The following ANK1 variants were observed in gnomAD, a reference collection of about 807,000 sequenced individuals.
The protein encoded by ANK1 is ankyrin-1.
Under a neutral mutation model 210.4 loss-of-function variants are expected in ANK1, and 51 were observed. The observed-to-expected ratio is 0.24, with a 90% CI of 0.19 to 0.31. The LOEUF (loss-of-function observed/expected upper bound fraction) is 0.31, where lower values mean the gene tolerates loss of function less well. Ranked by LOEUF, ANK1 falls within the 10% of genes least tolerant of loss-of-function variation. The pLI is 1.00. For missense variants in ANK1, 2,051 were observed against 2,504.4 expected (o/e 0.82, Z 3.86); for synonymous variants, 967 against 1,025.9 (o/e 0.94, Z 1.10).
Position 41,699,505 on chromosome 8 carries a change from C to T in ANK1, c.2505G>A (p.Arg835=), listed in dbSNP as rs761168514. 18 of 1,614,056 alleles carry T rather than the reference C, an allele frequency of 1.1e-5. No homozygotes were observed. In the African/African-American group the frequency reaches 1.9e-4, roughly 17 times the overall value. The change falls in exon 23 of 43, where the codon AGG becomes AGA. Residue 835 remains arginine (R), a synonymous_variant. Coordinates refer to ENST00000289734, the MANE Select transcript of ANK1 (RefSeq NM_000037.4). ...GCAGCTCCTTCTCTTCATCAACATC[C>T]CTGGAATCCCGCCTCTCAGCCTTGA... is the stretch of plus-strand genomic sequence containing the variant. ...ISFKAERRDS[R]DVDEEKELLD...
intron 1 of ANK1, among the ~76,000 whole-genome samples, chr8:41,774,593 C>T (rs990604864): frequency 6.6e-6 from 1 of 152,246 alleles, no homozygotes; most frequent in Non-Finnish European, 1.5e-5. Flanking sequence ...TCCTAAATTG[C>T]CAGTCCAAGC....
chr8:41,693,971 A>T lies in ANK1; in HGVS notation c.3459T>A (p.Pro1153=). The change falls in exon 29 of 43, where the codon CCT becomes CCA. Residue 1153 remains proline, a synonymous_variant. Transcript: ENST00000289734. The part of the protein sequence containing the change: ...RPIGLRIPLP[P]SWTDNPRDSG... ...TGTCCCTCGGGTTGTCGGTCCAGGAAGGAGGTAGTGGGATCCGAAGCCCAA... is the reference window on the plus strand; with the variant it reads ...TGTCCCTCGGGTTGTCGGTCCAGGATGGAGGTAGTGGGATCCGAAGCCCAA... 2 of 1,614,102 alleles carry T rather than the reference A, an allele frequency of 1.2e-6. No homozygotes were observed. Among genetic ancestry groups the T allele is most frequent in the Non-Finnish European group, 1.7e-6 (2 of 1,180,018 alleles).
intron 22 of ANK1, chr8:41,700,587 A>T: frequency 1.1e-6 from 1 of 935,112 alleles, no homozygotes; most frequent in Non-Finnish European, 1.7e-6. Context: ...CCATGAAATT[A>T]TCCAGATGGA....
chr8:41,867,382 A>C (rs764953954), intron 1 of ANK1, among the ~76,000 whole-genome samples: 12 of 152,224 alleles, frequency 7.9e-5, no homozygotes, highest in Non-Finnish European at 1.5e-4. Context: ...CCTGCTTCTC[A>C]CAGTGCCTGG....
At chr8:41,817,775 A>C (rs188732706) in intron 1 of ANK1, among the ~76,000 whole-genome samples, 3 of 152,374 alleles carry the variant, frequency 2.0e-5, no homozygotes, top group African/African-American at 7.2e-5. Flanking sequence ...ATACCTAACA[A>C]GTGACTCAAG....
chr8:41,886,740 G>C (rs1818501818), intron 1 of ANK1, among the ~76,000 whole-genome samples: 1 of 152,210 alleles, frequency 6.6e-6, no homozygotes, highest in South Asian at 2.1e-4. Flanking sequence ...AATAAGACAG[G>C]AGAGGCAGCT....
At chr8:41,858,440 C>T (rs1013822315) in intron 1 of ANK1, among the ~76,000 whole-genome samples, 1 of 152,152 alleles carries the variant, frequency 6.6e-6, no homozygotes, top group Non-Finnish European at 1.5e-5. Flanking sequence ...GAGCAATTCT[C>T]GCTACATGGG....
intron 1 of ANK1, among the ~76,000 whole-genome samples, chr8:41,766,964 C>G (rs1328901022): frequency 6.6e-6 from 1 of 152,104 alleles, no homozygotes; most frequent in Non-Finnish European, 1.5e-5. Context: ...CCCGGCCAGG[C>G]TGTCCCCTGG....
intron 1 of ANK1, among the ~76,000 whole-genome samples, chr8:41,883,384 C>T (rs1038818483): frequency 1.3e-5 from 2 of 152,230 alleles, no homozygotes; most frequent in Middle Eastern, 3.2e-3. Context: ...ACCATTCTGC[C>T]CTGTGGCCTT....
rs752363656 is a variant in ANK1 at position 41,706,199 on chromosome 8, C to T, written c.2041G>A (p.Val681Ile). 11 of 1,614,036 alleles carry T rather than the reference C, an allele frequency of 6.8e-6. No homozygotes were observed. In the African/African-American group the frequency reaches 1.2e-4, roughly 18 times the overall value. Residue 681 changes from valine to isoleucine, a missense_variant, in exon 18 of 43, where the codon GTT becomes ATT. By Grantham distance (29) the Val-to-Ile change is conservative. Around this residue, in one of 6 missense-constraint regions of ANK1, gnomAD observed 1,413 missense variants for 1,707.4 expected, o/e 0.83. Coordinates refer to ENST00000289734, the MANE Select transcript of ANK1 (RefSeq NM_000037.4). ...TTGATCAGCACATCTGCCACTGGAA[C>T]GTGGCCTTCTTGTGCTACCAGATGG... is the stretch of plus-strand genomic sequence containing the variant. Reference protein sequence around the residue: ...PLHLVAQEGHVPVADVLIKHG... With the variant: ...PLHLVAQEGHIPVADVLIKHG...
intron 2 of ANK1, among the ~76,000 whole-genome samples, chr8:41,735,032 T>C (rs1833088914): frequency 2.0e-5 from 3 of 152,234 alleles, no homozygotes; most frequent in African/African-American, 7.2e-5. Context: ...ACATTTTCCT[T>C]GCCCAACCCT....
Position 41,719,649 on chromosome 8 carries a change from AC to A in ANK1, c.1107+11del. On this transcript the variant is annotated intron_variant, in intron 10 of 42. Transcript: ENST00000289734. ...GCCACTCTGCACCTTCTCCAGCAGC[AC>A]CCCCACTCACCAGGGCTCTGGAGTT... is the stretch of plus-strand genomic sequence containing the variant. 4.3e-6 allele frequency: 7 copies of A among 1,613,836 alleles called. No individual in the cohort carries two copies. Among genetic ancestry groups the A allele is most frequent in the Non-Finnish European group, 5.9e-6 (7 of 1,179,940 alleles).
intron 23 of ANK1, among the ~76,000 whole-genome samples, chr8:41,699,142 G>A (rs1282149795): frequency 6.6e-6 from 1 of 152,082 alleles, no homozygotes; most frequent in African/African-American, 2.4e-5. Context: ...TGGATAAGAG[G>A]GAGAGGGGGT....
At chr8:41,872,689 T>C (rs138865426) in intron 1 of ANK1, among the ~76,000 whole-genome samples, 49 of 152,284 alleles carry the variant, frequency 3.2e-4, no homozygotes, top group African/African-American at 1.1e-3. Flanking sequence ...TCAGCCTGGA[T>C]TACACCTTAA....
chr8:41,686,756 G>A (rs528029398), intron 35 of ANK1, among the ~76,000 whole-genome samples: 17 of 152,260 alleles, frequency 1.1e-4, no homozygotes, highest in South Asian at 6.2e-4. Flanking sequence ...GAGCTTATGC[G>A]TCTTCAGGGA....
At position 41,797,403 on chromosome 8, in the gene ANK1, CG is replaced by C; in HGVS notation, c.27+108del. 1.0e-6 allele frequency: 1 copy of C among 980,376 alleles called. No homozygotes were observed. Among genetic ancestry groups the C allele is most frequent in the East Asian group, 2.7e-5 (1 of 37,692 alleles). 60.7% of individuals were successfully genotyped at this position (980,376 alleles called of 1,614,324 possible). A position where few individuals can be genotyped will look rare whatever the true frequency, so the allele number is the denominator to read the frequency against. On this transcript the variant is annotated intron_variant, in intron 1 of 42. Transcript: ENST00000289734. The surrounding 1 kb of genome is among the most constrained non-coding windows in gnomAD (Gnocchi z 4.0). The stretch of plus-strand genomic sequence containing the variant: ...GCAGGGAGCCCACGGGGAGGCGAGG[CG>C]GGTGGGGTGTGCAAAGCTGCTCTTG...
At chr8:41,735,035 C>T (rs1347399089) in intron 2 of ANK1, among the ~76,000 whole-genome samples, 1 of 152,202 alleles carries the variant, frequency 6.6e-6, no homozygotes, top group Non-Finnish European at 1.5e-5. Flanking sequence ...TTTTCCTTGC[C>T]CAACCCTTAG....
At chr8:41,770,901 G>C (rs1263262043) in intron 1 of ANK1, among the ~76,000 whole-genome samples, 1 of 152,214 alleles carries the variant, frequency 6.6e-6, no homozygotes, top group Non-Finnish European at 1.5e-5. Context: ...CCCAGTCCCA[G>C]GTGTGGTGGC....
At chr8:41,678,450 C>A (rs1222139950) in intron 37 of ANK1, among the ~76,000 whole-genome samples, 3 of 152,202 alleles carry the variant, frequency 2.0e-5, no homozygotes, top group Non-Finnish European at 4.4e-5. Flanking sequence ...CCCCAAATTT[C>A]TTACAATACT....
Sources: gnomAD v4.1 joint callset for allele counts (sites outside exome capture counted in the v4.1 genomes callset) on GRCh38, gnomAD v4.1.1 for gene constraint, gnomAD v4.1.1 regional missense constraint, Gnocchi (gnomAD v3.1) non-coding constraint, MANE v1.5 for transcripts, NCBI Gene and HGNC (gene_info 2026-07-23, HGNC 2026-07-21) for gene names.